The following CACNA1D variants were observed in gnomAD, a reference collection of about 807,000 sequenced individuals.
CACNA1D encodes calcium voltage-gated channel subunit alpha1 D, also known as voltage-dependent L-type calcium channel subunit alpha-1D.
A neutral mutation model predicts 257.1 loss-of-function variants in CACNA1D; 55 were observed. That is an observed-to-expected ratio of 0.21 (90% CI 0.17 to 0.27). The LOEUF (loss-of-function observed/expected upper bound fraction) is 0.27. Among genes scored for constraint, CACNA1D ranks in the 10% least tolerant of loss-of-function variants. The pLI is 1.00. For missense variants in CACNA1D, 1,876 were observed against 2,784.0 expected (o/e 0.67, Z 7.34); for synonymous variants, 980 against 1,014.9 (o/e 0.97, Z 0.65).
chr3:53,574,207 G>A (rs573376002), intron 3 of CACNA1D, among the ~76,000 whole-genome samples: 5 of 152,078 alleles, frequency 3.3e-5, no homozygotes, highest in Admixed American at 6.5e-5. Context: ...TCCTTCTGCC[G>A]TGCACACACC....
intron 5 of CACNA1D, among the ~76,000 whole-genome samples, chr3:53,663,163 T>C (rs1313881416): frequency 1.3e-5 from 2 of 152,118 alleles, no homozygotes; most frequent in East Asian, 3.9e-4. Flanking sequence ...CACCATCCTC[T>C]CCCCTGCCTC....
chr3:53,520,016 G>C (rs531413272), intron 3 of CACNA1D, among the ~76,000 whole-genome samples: 1 of 152,246 alleles, frequency 6.6e-6, no homozygotes, highest in East Asian at 1.9e-4. Context: ...TCCACTAAAG[G>C]GACATACCAC....
intron 14 of CACNA1D, among the ~76,000 whole-genome samples, chr3:53,725,220 G>A (rs1242287275): frequency 6.6e-6 from 1 of 152,142 alleles, no homozygotes; most frequent in African/African-American, 2.4e-5. Flanking sequence ...TGTACGTGCT[G>A]TTTTGCATCT....
chr3:53,628,591 G>A (rs7630673), intron 3 of CACNA1D, among the ~76,000 whole-genome samples: 10,090 of 152,222 alleles, frequency 0.066, 1,075 homozygotes, highest in African/African-American at 0.23. Flanking sequence ...TGGGAATAAT[G>A]AGGGATCAGG....
intron 9 of CACNA1D, among the ~76,000 whole-genome samples, chr3:53,703,514 T>C (rs1283906676): frequency 6.6e-6 from 1 of 152,222 alleles, no homozygotes; most frequent in Non-Finnish European, 1.5e-5. Flanking sequence ...TTCCCACAGA[T>C]GCGCTCTTAT....
chr3:53,579,853 A>G (rs1161150805), intron 3 of CACNA1D, among the ~76,000 whole-genome samples: 1 of 152,224 alleles, frequency 6.6e-6, no homozygotes, highest in Non-Finnish European at 1.5e-5. Context: ...GAAAGACTCA[A>G]GGTGAAGGCA....
intron 3 of CACNA1D, among the ~76,000 whole-genome samples, chr3:53,606,459 A>G (rs2093512078): frequency 6.6e-6 from 1 of 152,234 alleles, no homozygotes; most frequent in Non-Finnish European, 1.5e-5. Context: ...TTGCCTCCAC[A>G]CCTTGGTGGG....
At chr3:53,667,711 A>G (rs951473574) in intron 7 of CACNA1D, among the ~76,000 whole-genome samples, 7 of 152,160 alleles carry the variant, frequency 4.6e-5, no homozygotes, top group Non-Finnish European at 4.4e-5. Flanking sequence ...TTATATTTTT[A>G]TCTTTAATCC....
At chr3:53,548,328 T>C (rs1412684432) in intron 3 of CACNA1D, among the ~76,000 whole-genome samples, 1 of 151,256 alleles carries the variant, frequency 6.6e-6, no homozygotes, top group East Asian at 1.9e-4. Flanking sequence ...TAAAGCTGAA[T>C]TGTATCCATT....
At position 53,749,122 on chromosome 3, in the gene CACNA1D, C is replaced by T. The variant is rs1416904773; in HGVS notation, c.3315-146C>T. The stretch of plus-strand genomic sequence containing the variant: ...TTGGGCCTGAGGCTGATGGGAGAGA[C>T]CTGGTTGTGTCCAGCAGCCTTGGGG... On this transcript the variant is annotated intron_variant, in intron 26 of 47. Coordinates refer to ENST00000350061, the MANE Select transcript of CACNA1D (RefSeq NM_001128840.3). 3 of 711,774 alleles carry T rather than the reference C, an allele frequency of 4.2e-6. No homozygotes were observed. In the Admixed American group the frequency reaches 6.0e-5, roughly 14 times the overall value. The allele number at this position is 711,774 out of a possible 1,614,324, so 44.1% of individuals were successfully genotyped here.
In CACNA1D at chr3:53,660,109, TTCTTTC is replaced by T. The variant is rs1282115809; in HGVS notation, c.624-13_624-8del. The stretch of plus-strand genomic sequence containing the variant: ...TCCCTGGGGTAACAGACTCTAACAT[TTCTTTC>T]TCTTTCTCTTCTTTCAGATTGTTTA... On this transcript the variant is annotated intron_variant, in intron 4 of 47. Coordinates refer to ENST00000350061, the MANE Select transcript of CACNA1D (RefSeq NM_001128840.3). 6.2e-7 allele frequency: 1 copy of T among 1,610,282 alleles called. No individual in the cohort carries two copies. Among genetic ancestry groups the T allele is most frequent in the African/African-American group, 1.3e-5 (1 of 74,978 alleles).
chr3:53,724,145 C>A, intron 14 of CACNA1D, 146 bp downstream of exon 14: 1 of 730,196 alleles, frequency 1.4e-6, no homozygotes, highest in Non-Finnish European at 2.4e-6. Flanking sequence ...AATTTTGTGC[C>A]ATTTAAGTTA....
At chr3:53,685,212 A>C (rs764295263) in intron 8 of CACNA1D, among the ~76,000 whole-genome samples, 1 of 152,202 alleles carries the variant, frequency 6.6e-6, no homozygotes, top group African/African-American at 2.4e-5. Context: ...TTCCAGAAAT[A>C]GGGACATTTC....
At position 53,800,183 on chromosome 3, in the gene CACNA1D, C is replaced by A; in HGVS notation, c.4924-66C>A. 8.6e-7 allele frequency: 1 copy of A among 1,157,494 alleles called. No individual in the cohort carries two copies. The highest frequency in any genetic ancestry group is 1.3e-6 in the Non-Finnish European group (1 of 763,000). 71.7% of individuals were successfully genotyped at this position (1,157,494 alleles called of 1,614,324 possible). A position where few individuals can be genotyped will look rare whatever the true frequency, so the allele number is the denominator to read the frequency against. On this transcript the variant is annotated intron_variant, in intron 40 of 47. Transcript: ENST00000350061. The surrounding 1 kb of genome is among the most constrained non-coding windows in gnomAD (Gnocchi z 4.3). ...CCGCTGAATCAGGAAGGAGCAAAGC[C>A]AGGACCCAGGCTGGCCCCAGGGCCC...
chr3:53,774,713 A>G lies in CACNA1D; in HGVS notation c.4202+35A>G. ...ACTGGCTTGGGCGGTGCTCCTGGGC[A>G]GGGGGGTCCGCTAGGCGTGGGTCCA... On this transcript the variant is annotated intron_variant, in intron 34 of 47. Coordinates refer to ENST00000350061, the MANE Select transcript of CACNA1D (RefSeq NM_001128840.3). The surrounding 1 kb of genome is among the most constrained non-coding windows in gnomAD (Gnocchi z 4.3). The G allele has an allele frequency of 3.1e-6, 4 of 1,290,770 alleles. No homozygotes were observed. The highest frequency in any genetic ancestry group is 4.5e-6 in the Non-Finnish European group (4 of 884,820). The allele number at this position is 1,290,770 out of a possible 1,614,324, so 80.0% of individuals were successfully genotyped here.
At chr3:53,755,144 A>T (rs1339117180) in intron 29 of CACNA1D, among the ~76,000 whole-genome samples, 1 of 152,160 alleles carries the variant, frequency 6.6e-6, no homozygotes, top group African/African-American at 2.4e-5. Flanking sequence ...GTCTGGACTG[A>T]TGGAAAAGGT....
chr3:53,780,772 G>A (rs1482413177), intron 38 of CACNA1D, among the ~76,000 whole-genome samples: 2 of 152,226 alleles, frequency 1.3e-5, no homozygotes, highest in Non-Finnish European at 2.9e-5. Flanking sequence ...ATGGAGAGCA[G>A]ATTGCAACAG....
At chr3:53,574,688 C>T (rs147540822) in intron 3 of CACNA1D, among the ~76,000 whole-genome samples, 2 of 151,458 alleles carry the variant, frequency 1.3e-5, no homozygotes, top group Non-Finnish European at 2.9e-5. Context: ...CCCCAGCAGA[C>T]GGGAACATTC....
At chr3:53,663,650 G>A (rs1433183809) in intron 5 of CACNA1D, among the ~76,000 whole-genome samples, 1 of 152,134 alleles carries the variant, frequency 6.6e-6, no homozygotes, top group African/African-American at 2.4e-5. Context: ...TATTAGGTTG[G>A]TGTGAACGTA....
Sources: gnomAD v4.1 joint callset for allele counts (sites outside exome capture counted in the v4.1 genomes callset) on GRCh38, gnomAD v4.1.1 for gene constraint, Gnocchi (gnomAD v3.1) non-coding constraint, MANE v1.5 for transcripts, NCBI Gene and HGNC (gene_info 2026-07-23, HGNC 2026-07-21) for gene names.